Variants in FNIP2 observed in about 807,000 individuals in gnomAD.
FNIP2 encodes the protein folliculin interacting protein 2.
In FNIP2, 32 loss-of-function variants were observed where a neutral mutation model predicts 108.7. That is an observed-to-expected ratio of 0.29 (90% CI 0.22 to 0.40). The LOEUF (loss-of-function observed/expected upper bound fraction) is 0.40. FNIP2 is among the 10% of genes least tolerant of loss of function. FNIP2 has a pLI of 1.00. For missense variants in FNIP2, 1,202 were observed against 1,381.6 expected (o/e 0.87, Z 2.06); for synonymous variants, 480 against 496.7 (o/e 0.97, Z 0.45).
At chr4:158,828,540 C>G (rs893284437) in intron 2 of FNIP2, among the ~76,000 whole-genome samples, 1 of 152,054 alleles carries the variant, frequency 6.6e-6, no homozygotes, top group Non-Finnish European at 1.5e-5. Context: ...TGCTTGAACC[C>G]GGGAGGCACG....
chr4:158,769,033 T>A lies in FNIP2; in HGVS notation c.-180T>A, dbSNP rs2126385214. 6.7e-6 allele frequency: 1 copy of A among 148,434 alleles called. No homozygotes were observed. The highest frequency in any genetic ancestry group is 2.4e-5 in the African/African-American group (1 of 41,018). The allele number at this position is 148,434 out of a possible 1,614,324, so 9.2% of individuals were successfully genotyped here. On this transcript the variant is annotated 5_prime_UTR_variant, in exon 1 of 17. An upstream start codon of the reference 5' UTR is lost. Coordinates refer to ENST00000264433, the MANE Select transcript of FNIP2 (RefSeq NM_020840.3). The stretch of plus-strand genomic sequence containing the variant: ...GCGGTGGCGGGCCGGCTCAGTCATA[T>A]GACCGGCAGCCGGCGGCTCCGGCGC...
chr4:158,782,585 C>A (rs756860104), intron 1 of FNIP2, among the ~76,000 whole-genome samples: 1 of 150,654 alleles, frequency 6.6e-6, no homozygotes, highest in Non-Finnish European at 1.5e-5. Flanking sequence ...ATTCATTTCA[C>A]AAACATTTAT....
At chr4:158,886,339 C>A (rs1208301910) in intron 14 of FNIP2, among the ~76,000 whole-genome samples, 1 of 152,220 alleles carries the variant, frequency 6.6e-6, no homozygotes, top group Non-Finnish European at 1.5e-5. Flanking sequence ...TCCACCTTAA[C>A]AATTGTCTGC....
chr4:158,854,090 T>G lies in FNIP2; in HGVS notation c.857+2640T>G, dbSNP rs150572861. On this transcript the variant is annotated intron_variant, in intron 8 of 16. Coordinates refer to ENST00000264433, the MANE Select transcript of FNIP2 (RefSeq NM_020840.3). The stretch of plus-strand genomic sequence containing the variant: ...TATTTCTATGCCTATGAATATTTAC[T>G]TTGCAGTGTTGCAGCAGTTTTCAAA... 2.5e-3 allele frequency among the ~76,000 whole-genome samples: 380 copies of G among 152,364 alleles called. 1 individual carries two copies. The highest frequency in any genetic ancestry group is 7.2e-3 in the African/African-American group (299 of 41,584).
chr4:158,855,230 C>T (rs1236521981), intron 8 of FNIP2, among the ~76,000 whole-genome samples: 1 of 152,036 alleles, frequency 6.6e-6, no homozygotes, highest in Non-Finnish European at 1.5e-5. Flanking sequence ...GCTTCATTGT[C>T]CCATTAAACT....
intron 1 of FNIP2, among the ~76,000 whole-genome samples, chr4:158,784,481 T>TTTATATTATTCTA (rs1295066215): frequency 9.2e-5 from 14 of 152,244 alleles, no homozygotes; most frequent in Non-Finnish European, 1.9e-4. Context: ...GTGTACTTTA[T>TTTATATTATTCTA]TTCTATTATT....
intron 14 of FNIP2, among the ~76,000 whole-genome samples, chr4:158,882,867 C>T (rs539602934): frequency 0.01 from 1,530 of 152,104 alleles, 24 homozygotes; most frequent in African/African-American, 0.034. Flanking sequence ...TGCGGAAGGC[C>T]GCAGGGTCTT....
chr4:158,831,693 GA>G (rs1778492750), intron 3 of FNIP2, among the ~76,000 whole-genome samples, 167 bp from the exon 4 acceptor site: 3 of 152,132 alleles, frequency 2.0e-5, no homozygotes, highest in South Asian at 2.1e-4. Flanking sequence ...CTTTGGGGGG[GA>G]AAATAGGCAA....
Position 158,798,749 on chromosome 4 carries a change from G to A in FNIP2, c.108-27167G>A, listed in dbSNP as rs182354118. On this transcript the variant is annotated intron_variant, in intron 1 of 16. Coordinates refer to ENST00000264433, the MANE Select transcript of FNIP2 (RefSeq NM_020840.3). The stretch of plus-strand genomic sequence containing the variant: ...TTTATAAACTGGAAGAATGTCAGAT[G>A]TTCTTTGTTTTGTTTAATCCCATTT... Among the ~76,000 whole-genome samples, 197 of 152,298 alleles carry A rather than the reference G, an allele frequency of 1.3e-3. 1 individual carries two copies. The highest frequency in any genetic ancestry group is 3.4e-3 in the Middle Eastern group (1 of 294).
intron 6 of FNIP2, chr4:158,834,180 A>G (rs909619620): frequency 1.1e-5 from 2 of 175,494 alleles, no homozygotes; most frequent in African/African-American, 4.8e-5. Flanking sequence ...CTCTTCTGCT[A>G]CTATGAACTG....
intron 5 of FNIP2, among the ~76,000 whole-genome samples, chr4:158,832,541 A>G (rs1011946308): frequency 6.6e-6 from 1 of 152,232 alleles, no homozygotes; most frequent in East Asian, 1.9e-4. Flanking sequence ...CATTTTTTAA[A>G]TAAAACAACA....
chr4:158,875,484 A>T (rs1006969093), intron 14 of FNIP2, among the ~76,000 whole-genome samples: 1 of 144,990 alleles, frequency 6.9e-6, no homozygotes, highest in Non-Finnish European at 1.5e-5. Flanking sequence ...TCAGTAGCAC[A>T]GATAAAGAGC....
At chr4:158,802,081 C>G (rs1776782313) in intron 1 of FNIP2, among the ~76,000 whole-genome samples, 1 of 152,224 alleles carries the variant, frequency 6.6e-6, no homozygotes, top group African/African-American at 2.4e-5. Flanking sequence ...ATACAAAACA[C>G]TGTACATATT....
chr4:158,845,723 C>A (rs908464134), intron 7 of FNIP2, among the ~76,000 whole-genome samples: 1 of 152,210 alleles, frequency 6.6e-6, no homozygotes, highest in Non-Finnish European at 1.5e-5. Flanking sequence ...ATGAAAATGG[C>A]AGTTGTTTTC....
At chr4:158,806,062 G>A in intron 1 of FNIP2, 2 of 889,782 alleles carry the variant, frequency 2.2e-6, no homozygotes, top group Non-Finnish European at 2.7e-6. Flanking sequence ...TTAAACCTTT[G>A]AAAGGGGAAA....
At chr4:158,770,345 C>G (rs762555005) in intron 1 of FNIP2, among the ~76,000 whole-genome samples, 65 of 152,362 alleles carry the variant, frequency 4.3e-4, no homozygotes, top group Admixed American at 6.5e-4. Context: ...ACTCCCAATT[C>G]TGACACTATG....
intron 1 of FNIP2, among the ~76,000 whole-genome samples, chr4:158,773,612 G>A (rs1415850367): frequency 6.6e-6 from 1 of 152,144 alleles, no homozygotes; most frequent in Non-Finnish European, 1.5e-5. Flanking sequence ...AGGTCATGGA[G>A]TTCAGTATTA....
At chr4:158,824,625 A>G (rs1778055350) in intron 1 of FNIP2, among the ~76,000 whole-genome samples, 1 of 152,072 alleles carries the variant, frequency 6.6e-6, no homozygotes, top group Non-Finnish European at 1.5e-5. Context: ...TCCAGTCTTC[A>G]TCTCTTCCAC....
intron 7 of FNIP2, among the ~76,000 whole-genome samples, chr4:158,846,709 A>G (rs1200591713): frequency 6.6e-6 from 1 of 152,224 alleles, no homozygotes; most frequent in Non-Finnish European, 1.5e-5. Context: ...AAATGATTTA[A>G]TCAAAATTTT....
Sources: gnomAD v4.1 joint callset for allele counts (sites outside exome capture counted in the v4.1 genomes callset) on GRCh38, gnomAD v4.1.1 for gene constraint, MANE v1.5 for transcripts, NCBI Gene and HGNC (gene_info 2026-07-23, HGNC 2026-07-21) for gene names.